Variants in RBMS2 observed in about 807,000 individuals in gnomAD.
RBMS2 encodes the protein RNA-binding motif, single-stranded-interacting protein 2.
A neutral mutation model predicts 58.4 loss-of-function variants in RBMS2; 38 were observed. That is an observed-to-expected ratio of 0.65 (90% CI 0.50 to 0.85). The LOEUF (loss-of-function observed/expected upper bound fraction) is 0.85. RBMS2 is among the 40% of genes least tolerant of loss of function. RBMS2 has a pLI of 0.00. For synonymous variants in RBMS2, 151 were observed against 180.7 expected, an observed-to-expected ratio of 0.84 and a Z score of 1.32; for missense variants, 367 against 503.7, an observed-to-expected ratio of 0.73 and a Z score of 2.60.
chr12:56,588,947 C>G lies in RBMS2; in HGVS notation c.1159C>G (p.Gln387Glu), dbSNP rs921060158. ...SVSVEESSGQ[Q>E]NQVAVDAPSE... Reference sequence around the variant, plus strand: ...TATGGCACAGGAGAGCAGCGGCCAACAGAACCAAGTGGCAGTGGACGCACC... The same window carrying G: ...TATGGCACAGGAGAGCAGCGGCCAAGAGAACCAAGTGGCAGTGGACGCACC... The change falls in exon 13 of 14, where the codon CAG (glutamine) becomes GAG (glutamate). Residue 387 changes from glutamine to glutamate, a missense_variant. Gln to Glu is a conservative substitution (Grantham distance 29). This residue lies in a region of RBMS2 where 220 missense variants were observed against 261.1 expected (regional missense o/e 0.84). Coordinates refer to ENST00000262031, the MANE Select transcript of RBMS2 (RefSeq NM_002898.4). The G allele has an allele frequency of 6.2e-7, 1 of 1,614,160 alleles. No individual in the cohort carries two copies. The highest frequency in any genetic ancestry group is 1.3e-5 in the African/African-American group (1 of 75,042).
At chr12:56,561,444 T>C (rs1441934563) in intron 1 of RBMS2, among the ~76,000 whole-genome samples, 1 of 152,206 alleles carries the variant, frequency 6.6e-6, no homozygotes, top group Admixed American at 6.6e-5. Flanking sequence ...TGTTATTTTT[T>C]TACTTTTTAA....
chr12:56,570,068 G>C, intron 4 of RBMS2, 78 bp downstream of exon 4: 1 of 1,364,840 alleles, frequency 7.3e-7, no homozygotes, highest in Middle Eastern at 1.8e-4. Flanking sequence ...GGTTTCCAGA[G>C]GGCTTAAGAA....
intron 5 of RBMS2, among the ~76,000 whole-genome samples, chr12:56,576,515 G>A (rs1168623515): frequency 6.6e-6 from 1 of 152,026 alleles, no homozygotes; most frequent in East Asian, 1.9e-4. Flanking sequence ...CATCCACTAG[G>A]GGACTTGGAA....
At chr12:56,546,723 C>T (rs555458475) in intron 1 of RBMS2, among the ~76,000 whole-genome samples, 88 of 152,226 alleles carry the variant, frequency 5.8e-4, no homozygotes, top group African/African-American at 2.0e-3. Context: ...ACTGCCTCAG[C>T]CTCCCAAAGT....
rs574963584 is a variant in RBMS2, at chr12:56,530,975, T to C, written c.66+8886T>C. On this transcript the variant is annotated intron_variant, in intron 1 of 13. Coordinates refer to ENST00000262031, the MANE Select transcript of RBMS2 (RefSeq NM_002898.4). ...TCACAGTCAAAACTGTCTTTAAAAATCCTACCCATCCCTTTAAGTTCAGTT... is the reference window on the plus strand; with the variant it reads ...TCACAGTCAAAACTGTCTTTAAAAACCCTACCCATCCCTTTAAGTTCAGTT... Among the ~76,000 whole-genome samples the C allele has an allele frequency of 8.5e-5, 13 of 152,290 alleles. No individual in the cohort carries two copies. The East Asian group carries it at 2.3e-3, about 27-fold the overall frequency.
intron 1 of RBMS2, among the ~76,000 whole-genome samples, chr12:56,530,450 TCCTGGGCTCAAGCGATTCTCCTA>T: frequency 7.8e-6 from 1 of 128,436 alleles, no homozygotes; most frequent in South Asian, 2.8e-4. Flanking sequence ...AGCCTCAACC[TCCTGGGCTCAAGCGATTCTCCTA>T]CCTTGGCCTC....
chr12:56,588,112 C>CATATA (rs756641104), intron 11 of RBMS2, among the ~76,000 whole-genome samples, 182 bp from the exon 12 acceptor site: 4 of 152,260 alleles, frequency 2.6e-5, no homozygotes, highest in Middle Eastern at 3.4e-3. Context: ...TATAGGGAGA[C>CATATA]GTCTCCCTAA....
At chr12:56,580,961 C>A (rs1487654341) in intron 5 of RBMS2, among the ~76,000 whole-genome samples, 1 of 152,178 alleles carries the variant, frequency 6.6e-6, no homozygotes, top group African/African-American at 2.4e-5. Flanking sequence ...GCCATTATTC[C>A]TATGAGGATC....
intron 5 of RBMS2, among the ~76,000 whole-genome samples, chr12:56,574,501 T>C (rs922439145): frequency 6.6e-6 from 1 of 152,200 alleles, no homozygotes. Flanking sequence ...TGAAGCAGTG[T>C]ACAATTTTGA....
At chr12:56,551,236 G>A (rs1878223639) in intron 1 of RBMS2, among the ~76,000 whole-genome samples, 1 of 152,174 alleles carries the variant, frequency 6.6e-6, no homozygotes, top group Non-Finnish European at 1.5e-5. Flanking sequence ...AAACCTTGCA[G>A]GTTTTTACTC....
At position 56,521,944 on chromosome 12, in the gene RBMS2, T is replaced by G. The variant is rs1357618821; in HGVS notation, c.-80T>G. On this transcript the variant is annotated 5_prime_UTR_variant, in exon 1 of 14. Transcript: ENST00000262031. ...CTCCCCCTTTCCCTCGCTCCCCTCC[T>G]CCCTCCCTCCCCGTCTTTCTTACCC... The G allele has an allele frequency of 4.6e-5, 11 of 239,678 alleles. No individual in the cohort carries two copies. Among genetic ancestry groups the G allele is most frequent in the Non-Finnish European group, 8.8e-5 (11 of 125,484 alleles). 14.8% of individuals were successfully genotyped at this position (239,678 alleles called of 1,614,324 possible).
intron 1 of RBMS2, among the ~76,000 whole-genome samples, chr12:56,540,777 C>T (rs1385269246): frequency 1.3e-5 from 2 of 152,116 alleles, no homozygotes; most frequent in Non-Finnish European, 2.9e-5. Flanking sequence ...TCCAAAGTCA[C>T]ACAGCTAATA....
intron 2 of RBMS2, among the ~76,000 whole-genome samples, chr12:56,564,481 G>C (rs575935701): frequency 6.6e-6 from 1 of 152,094 alleles, no homozygotes; most frequent in South Asian, 2.1e-4. Context: ...TCCCACCTCA[G>C]CCTCCTGAGT....
chr12:56,521,890 C>T lies in RBMS2; in HGVS notation c.-134C>T, dbSNP rs184649955. The T allele has an allele frequency of 3.0e-4, 80 of 267,394 alleles. 1 individual carries two copies. Among genetic ancestry groups the T allele is most frequent in the Non-Finnish European group, 7.8e-5 (11 of 141,238 alleles). The allele number at this position is 267,394 out of a possible 1,614,324, so 16.6% of individuals were successfully genotyped here. A position where few individuals can be genotyped will look rare whatever the true frequency, so the allele number is the denominator to read the frequency against. ...TCCTGCTCCTTTTCTCCTCCTTTCT[C>T]CTCCCCCTCCCTTTTTTCCTCCCTC... On this transcript the variant is annotated 5_prime_UTR_variant, in exon 1 of 14. Transcript: ENST00000262031.
rs1451804193 is a variant in RBMS2 at position 56,562,416 on chromosome 12, G to A, written c.67-1G>A. The A allele has an allele frequency of 6.2e-7, 1 of 1,600,500 alleles. No individual in the cohort carries two copies. Among genetic ancestry groups the A allele is most frequent in the African/African-American group, 1.3e-5 (1 of 74,726 alleles). On this transcript the variant is annotated splice_acceptor_variant, in intron 1 of 13. Transcript: ENST00000262031. LOFTEE classifies it high-confidence loss of function. ...TACCTCTTCCTCATGTCTCCCTGCAGCCATATGTGTCATTGGCTCAGCAGA... is the reference window on the plus strand; with the variant it reads ...TACCTCTTCCTCATGTCTCCCTGCAACCATATGTGTCATTGGCTCAGCAGA...
At chr12:56,566,474 A>G (rs1224621531) in intron 2 of RBMS2, among the ~76,000 whole-genome samples, 1 of 152,218 alleles carries the variant, frequency 6.6e-6, no homozygotes, top group Non-Finnish European at 1.5e-5. Context: ...CAAGTTTTAG[A>G]AGTTCCACAT....
intron 12 of RBMS2, 112 bp from the exon 13 acceptor site, chr12:56,588,820 A>AGT (rs1700074516): frequency 1.1e-6 from 1 of 893,422 alleles, no homozygotes; most frequent in Non-Finnish European, 1.8e-6. Context: ...GAGTGTGGAG[A>AGT]GTGGGTAGGT....
intron 1 of RBMS2, among the ~76,000 whole-genome samples, chr12:56,537,848 CTTTTT>C (rs56179535): frequency 3.8e-5 from 5 of 132,860 alleles, no homozygotes; most frequent in Admixed American, 7.5e-5. Flanking sequence ...TGTTTTCTGC[CTTTTT>C]TTTTTTTTTT....
chr12:56,582,206 A>C, intron 9 of RBMS2, 54 bp downstream of exon 9: 1 of 1,450,282 alleles, frequency 6.9e-7, no homozygotes, highest in Non-Finnish European at 9.5e-7. Flanking sequence ...CTGTGCTTTA[A>C]GTGAAGTAAT....
Sources: allele counts gnomAD v4.1 joint callset (sites outside exome capture counted in the v4.1 genomes callset), GRCh38; gene constraint gnomAD v4.1.1; regional missense constraint gnomAD v4.1.1; transcripts MANE v1.5; gene names NCBI Gene and HGNC (gene_info 2026-07-23, HGNC 2026-07-21).